Variants in SLC5A3 observed in about 807,000 individuals in gnomAD.
SLC5A3 encodes sodium/myo-inositol cotransporter.
Under a neutral mutation model 43.2 loss-of-function variants are expected in SLC5A3, and 10 were observed. The ratio of observed to expected loss-of-function variants is 0.23; its 90% confidence interval spans 0.14 to 0.39. The LOEUF is 0.39. Among genes scored for constraint, SLC5A3 ranks in the 10% least tolerant of loss-of-function variants. SLC5A3 has a pLI of 1.00. For missense variants in SLC5A3, 608 were observed against 893.4 expected (o/e 0.68, Z 4.07); for synonymous variants, 349 against 322.0 (o/e 1.08, Z -0.90).
chr21:34,093,064 G>A lies in SLC5A3; in HGVS notation c.-336-1799G>A, dbSNP rs116320476. ...ATTTAACGATACCTTTTTAAATAAT[G>A]TTTACTAGTCATCTGATTAGATTTT... On this transcript the variant is annotated intron_variant, in intron 1 of 1. Coordinates refer to ENST00000381151, the MANE Select transcript of SLC5A3 (RefSeq NM_006933.7). 6.5e-3 allele frequency among the ~76,000 whole-genome samples: 985 copies of A among 152,180 alleles called. 14 individuals are homozygous for A. Among genetic ancestry groups the A allele is most frequent in the African/African-American group, 0.022 (925 of 41,516 alleles).
intron 1 of SLC5A3, among the ~76,000 whole-genome samples, chr21:34,091,327 C>T (rs959744278): frequency 4.6e-5 from 7 of 152,014 alleles, no homozygotes; most frequent in Non-Finnish European, 1.0e-4. Context: ...TTTTCTTGTT[C>T]CTTGTTTGGT....
In SLC5A3 at chr21:34,104,137, T is replaced by C; in HGVS notation, c.*6782T>C. 2.0e-6 allele frequency: 2 copies of C among 999,932 alleles called. No homozygotes were observed. Among genetic ancestry groups the C allele is most frequent in the Non-Finnish European group, 2.4e-6 (2 of 829,888 alleles). 61.9% of individuals were successfully genotyped at this position (999,932 alleles called of 1,614,324 possible). A position where few individuals can be genotyped will look rare whatever the true frequency, so the allele number is the denominator to read the frequency against. On this transcript the variant is annotated 3_prime_UTR_variant, in exon 2 of 2. Coordinates refer to ENST00000381151, the MANE Select transcript of SLC5A3 (RefSeq NM_006933.7). ...TGAAGTTACCTTTATTTTTTTCCTA[T>C]ACTTGACTGTGCTTCATTTTAATAA...
chr21:34,097,543 TAAGTG>T lies in SLC5A3; in HGVS notation c.*192_*196del, dbSNP rs561451656. ...GATGGATTAAAGTAAATCTTCAACT[TAAGTG>T]AAGCCAAACCTAACAGACTGAATTG... On this transcript the variant is annotated 3_prime_UTR_variant, in exon 2 of 2. Transcript: ENST00000381151. 247 of 1,380,100 alleles carry T rather than the reference TAAGTG, an allele frequency of 1.8e-4. No individual in the cohort carries two copies. The African/African-American group carries it at 2.1e-3, about 12-fold the overall frequency. The allele number at this position is 1,380,100 out of a possible 1,614,324, so 85.5% of individuals were successfully genotyped here.
In SLC5A3 at chr21:34,097,601, C is replaced by A; in HGVS notation, c.*246C>A. On this transcript the variant is annotated 3_prime_UTR_variant, in exon 2 of 2. Transcript: ENST00000381151. Reference sequence around the variant, plus strand: ...CAAATGTGGTTTTAAATTTTGCATACCAAAGTAAGAAGAGACCAATTATTC... The same window carrying A: ...CAAATGTGGTTTTAAATTTTGCATAACAAAGTAAGAAGAGACCAATTATTC... 2 of 1,233,792 alleles carry A rather than the reference C, an allele frequency of 1.6e-6. No homozygotes were observed. The highest frequency in any genetic ancestry group is 4.1e-5 in the Admixed American group (1 of 24,316). The allele number at this position is 1,233,792 out of a possible 1,614,324, so 76.4% of individuals were successfully genotyped here.
In SLC5A3 at chr21:34,104,630, G is replaced by T; in HGVS notation, c.*7275G>T. 1 of 1,000,166 alleles carries T rather than the reference G, an allele frequency of 1.0e-6. No individual in the cohort carries two copies. Among genetic ancestry groups the T allele is most frequent in the Non-Finnish European group, 1.2e-6 (1 of 829,968 alleles). The allele number at this position is 1,000,166 out of a possible 1,614,324, so 62.0% of individuals were successfully genotyped here. A position where few individuals can be genotyped will look rare whatever the true frequency, so the allele number is the denominator to read the frequency against. ...ACACTTTGAGGGAGAGATTATTCTTGCCAGCAAAAAGCTAGCCAGGAATGA... is the reference window on the plus strand; with the variant it reads ...ACACTTTGAGGGAGAGATTATTCTTTCCAGCAAAAAGCTAGCCAGGAATGA... On this transcript the variant is annotated 3_prime_UTR_variant, in exon 2 of 2. Coordinates refer to ENST00000381151, the MANE Select transcript of SLC5A3 (RefSeq NM_006933.7).
At chr21:34,074,029 G>A (rs1314960825) in intron 1 of SLC5A3, among the ~76,000 whole-genome samples, 2 of 145,846 alleles carry the variant, frequency 1.4e-5, no homozygotes, top group Non-Finnish European at 3.0e-5. Context: ...GGGGCGGACC[G>A]AGCGGGCCCC....
rs1286216545 is a variant in SLC5A3 at position 34,101,825 on chromosome 21, CTAA to C, written c.*4477_*4479del. ...ATGATTTTCTCACACTTTGTGTTGGCTAATAATAAAAGCACTGTTTTATTCTCA... is the reference window on the plus strand; with the variant it reads ...ATGATTTTCTCACACTTTGTGTTGGCTAATAAAAGCACTGTTTTATTCTCA... On this transcript the variant is annotated 3_prime_UTR_variant, in exon 2 of 2. Transcript: ENST00000381151. 2.0e-6 allele frequency: 2 copies of C among 998,626 alleles called. No individual in the cohort carries two copies. The highest frequency in any genetic ancestry group is 1.7e-5 in the African/African-American group (1 of 57,146). 61.9% of individuals were successfully genotyped at this position (998,626 alleles called of 1,614,324 possible). A position where few individuals can be genotyped will look rare whatever the true frequency, so the allele number is the denominator to read the frequency against.
intron 1 of SLC5A3, among the ~76,000 whole-genome samples, chr21:34,086,976 A>G (rs992406200): frequency 5.9e-5 from 9 of 152,214 alleles, no homozygotes; most frequent in Non-Finnish European, 1.2e-4. Context: ...AGGTCTGCAC[A>G]TATCACTGCA....
At position 34,097,677 on chromosome 21, in the gene SLC5A3, A is replaced by T. The variant is rs1298739992; in HGVS notation, c.*322A>T. ...ATGTTAAGTTACCATGAATTAAGGT[A>T]TACTGTCTGCACTGCCAAGTCTTGG... On this transcript the variant is annotated 3_prime_UTR_variant, in exon 2 of 2. Transcript: ENST00000381151. 1 of 1,048,988 alleles carries T rather than the reference A, an allele frequency of 9.5e-7. No individual in the cohort carries two copies. Among genetic ancestry groups the T allele is most frequent in the East Asian group, 8.9e-5 (1 of 11,270 alleles). 65.0% of individuals were successfully genotyped at this position (1,048,988 alleles called of 1,614,324 possible).
At chr21:34,085,257 CTGT>C (rs1978326482) in intron 1 of SLC5A3, among the ~76,000 whole-genome samples, 1 of 152,128 alleles carries the variant, frequency 6.6e-6, no homozygotes, top group Non-Finnish European at 1.5e-5. Context: ...TTGGAGTTGA[CTGT>C]AGTTGCGTTT....
chr21:34,083,304 G>A (rs1340639835), intron 1 of SLC5A3, among the ~76,000 whole-genome samples: 2 of 152,182 alleles, frequency 1.3e-5, no homozygotes, highest in African/African-American at 2.4e-5. Flanking sequence ...CTTTGCTTCC[G>A]TTAGAAAGGT....
In SLC5A3 at chr21:34,100,414, C is replaced by G. The variant is rs2148661115; in HGVS notation, c.*3059C>G. 1 of 1,000,184 alleles carries G rather than the reference C, an allele frequency of 1.0e-6. No homozygotes were observed. Among genetic ancestry groups the G allele is most frequent in the Non-Finnish European group, 1.2e-6 (1 of 829,920 alleles). 62.0% of individuals were successfully genotyped at this position (1,000,184 alleles called of 1,614,324 possible). ...GCCGATTTCTTCTTCCCCAGCTATT[C>G]TTTCCTGGGGGTAATTATGCTTTGT... On this transcript the variant is annotated 3_prime_UTR_variant, in exon 2 of 2. Coordinates refer to ENST00000381151, the MANE Select transcript of SLC5A3 (RefSeq NM_006933.7).
chr21:34,105,915 C>G lies in SLC5A3; in HGVS notation c.*8560C>G, dbSNP rs562970225. ...TCATGACAATTCTAACTTGTCTATT[C>G]TAACCTATTGTGTACAATCTGATTT... On this transcript the variant is annotated 3_prime_UTR_variant, in exon 2 of 2. Coordinates refer to ENST00000381151, the MANE Select transcript of SLC5A3 (RefSeq NM_006933.7). 1.0e-6 allele frequency: 1 copy of G among 987,116 alleles called. No individual in the cohort carries two copies. The highest frequency in any genetic ancestry group is 1.2e-6 in the Non-Finnish European group (1 of 818,058). The allele number at this position is 987,116 out of a possible 1,614,324, so 61.1% of individuals were successfully genotyped here.
rs1389212854 is a variant in SLC5A3, at chr21:34,102,207, T to G, written c.*4852T>G. 1 of 999,892 alleles carries G rather than the reference T, an allele frequency of 1.0e-6. No homozygotes were observed. Among genetic ancestry groups the G allele is most frequent in the Admixed American group, 6.2e-5 (1 of 16,254 alleles). The allele number at this position is 999,892 out of a possible 1,614,324, so 61.9% of individuals were successfully genotyped here. ...TTTGACTCCTAGGAGAGAATTTAGT[T>G]AAGGTTCAAAGTAATTAACTGGCTT... On this transcript the variant is annotated 3_prime_UTR_variant, in exon 2 of 2. Transcript: ENST00000381151.
intron 1 of SLC5A3, among the ~76,000 whole-genome samples, chr21:34,074,441 G>A (rs1462874806): frequency 6.6e-6 from 1 of 152,236 alleles, no homozygotes; most frequent in Non-Finnish European, 1.5e-5. Flanking sequence ...GCCTCCAGAA[G>A]ACACTTTCTT....
In SLC5A3 at chr21:34,101,716, T is replaced by C; in HGVS notation, c.*4361T>C. The stretch of plus-strand genomic sequence containing the variant: ...TGTTTTGCCCCAGTATTGAGGACTT[T>C]TAGATCCAAATAATGACTCATTAAA... On this transcript the variant is annotated 3_prime_UTR_variant, in exon 2 of 2. Coordinates refer to ENST00000381151, the MANE Select transcript of SLC5A3 (RefSeq NM_006933.7). The C allele has an allele frequency of 1.0e-6, 1 of 997,050 alleles. No individual in the cohort carries two copies. Among genetic ancestry groups the C allele is most frequent in the Non-Finnish European group, 1.2e-6 (1 of 827,116 alleles). 61.8% of individuals were successfully genotyped at this position (997,050 alleles called of 1,614,324 possible). A position where few individuals can be genotyped will look rare whatever the true frequency, so the allele number is the denominator to read the frequency against.
At chr21:34,079,346 A>G (rs1341300547) in intron 1 of SLC5A3, among the ~76,000 whole-genome samples, 2 of 152,140 alleles carry the variant, frequency 1.3e-5, no homozygotes, top group African/African-American at 2.4e-5. Context: ...CCTGATTTAG[A>G]GTATATAGAC....
At chr21:34,079,197 A>C (rs1319071274) in intron 1 of SLC5A3, among the ~76,000 whole-genome samples, 1 of 152,206 alleles carries the variant, frequency 6.6e-6, no homozygotes, top group African/African-American at 2.4e-5. Context: ...GTGGGGAAAA[A>C]AACAGCAATA....
Position 34,105,871 on chromosome 21 carries a change from A to G in SLC5A3, c.*8516A>G, listed in dbSNP as rs1979453896. ...TTGAAAGGAGTACAGTTGAAATTGT[A>G]GATTTAAGATTGTTAAAATCATGAC... On this transcript the variant is annotated 3_prime_UTR_variant, in exon 2 of 2. Transcript: ENST00000381151. 1 of 990,940 alleles carries G rather than the reference A, an allele frequency of 1.0e-6. No individual in the cohort carries two copies. Among genetic ancestry groups the G allele is most frequent in the Non-Finnish European group, 1.2e-6 (1 of 821,586 alleles). The allele number at this position is 990,940 out of a possible 1,614,324, so 61.4% of individuals were successfully genotyped here. A position where few individuals can be genotyped will look rare whatever the true frequency, so the allele number is the denominator to read the frequency against.
Sources: gnomAD v4.1 joint callset for allele counts (sites outside exome capture counted in the v4.1 genomes callset) on GRCh38, gnomAD v4.1.1 for gene constraint, MANE v1.5 for transcripts, NCBI Gene and HGNC (gene_info 2026-07-23, HGNC 2026-07-21) for gene names.